FAAH2: variants seen among roughly 807,000 people sequenced by gnomAD.
FAAH2 encodes the protein fatty acid amide hydrolase 2.
Under a neutral mutation model 36.9 loss-of-function variants are expected in FAAH2, and 60 were observed. That is an observed-to-expected ratio of 1.63 (90% CI 1.32 to 2.02). The LOEUF is 2.02. Among genes scored for constraint, FAAH2 ranks in the 30% most tolerant of loss-of-function variants. The pLI is 0.00. For missense variants in FAAH2, 689 were observed against 397.5 expected (o/e 1.73, Z -6.23); for synonymous variants, 214 against 143.8 (o/e 1.49, Z -3.49).
intron 3 of FAAH2, among the ~76,000 whole-genome samples, chrX:57,326,728 T>G: frequency 1.2e-5 from 1 of 81,104 alleles, no homozygotes. Context: ...TGAGCCTATG[T>G]GTGTCTCTGC....
chrX:57,405,200 G>A (rs888283467), intron 7 of FAAH2, among the ~76,000 whole-genome samples: 2 of 111,534 alleles, frequency 1.8e-5, no homozygotes, highest in Non-Finnish European at 3.8e-5. Context: ...GTCACCAAAT[G>A]TTACCGGGGG....
chrX:57,247,321 A>T, the FAAH2 span, among the ~76,000 whole-genome samples: 2 of 112,094 alleles, frequency 1.8e-5, no homozygotes, highest in African/African-American at 3.2e-5. Flanking sequence ...TGACAGAAAA[A>T]CAGAATGATC....
chrX:57,302,882 G>T (rs983657361), intron 2 of FAAH2, among the ~76,000 whole-genome samples: 2 of 111,205 alleles, frequency 1.8e-5, no homozygotes, highest in African/African-American at 6.5e-5. Context: ...TTTTGGCTGA[G>T]GTTCCTTGTT....
the FAAH2 span, among the ~76,000 whole-genome samples, chrX:57,161,649 G>T: frequency 4.5e-5 from 5 of 111,263 alleles, no homozygotes; most frequent in African/African-American, 1.3e-4. Context: ...TTTGTTGGTT[G>T]AAAGTCTGTC....
At chrX:57,161,851 T>C in the FAAH2 span, among the ~76,000 whole-genome samples, 3 of 111,736 alleles carry the variant, frequency 2.7e-5, no homozygotes, top group East Asian at 2.8e-4. Flanking sequence ...GAGCATTTAG[T>C]CCATTTACAT....
chrX:57,446,786 T>A (rs983871054), intron 8 of FAAH2, 142 bp from the exon 9 acceptor site: 29 of 420,647 alleles, frequency 6.9e-5, no homozygotes, highest in Non-Finnish European at 1.0e-4. Context: ...ATTTTATCAA[T>A]AAATTTTATT....
the FAAH2 span, chrX:57,137,289 GC>G: frequency 7.9e-6 from 6 of 758,953 alleles, no homozygotes; most frequent in African/African-American, 9.2e-5. Flanking sequence ...TGAGCCTGTG[GC>G]GAAGGAGGGT....
At chrX:57,147,993 A>G in the FAAH2 span, among the ~76,000 whole-genome samples, 1 of 111,761 alleles carries the variant, frequency 8.9e-6, no homozygotes, top group Admixed American at 9.5e-5. Context: ...CCTATTACAT[A>G]GAATTTTCCA....
upstream of FAAH2, among the ~76,000 whole-genome samples, chrX:57,284,782 T>C (rs957268066): frequency 8.9e-6 from 1 of 111,792 alleles, no homozygotes; most frequent in African/African-American, 3.3e-5. Flanking sequence ...TTTACATCCA[T>C]ATGTGATTTA....
At chrX:57,348,018 G>A (rs2053876579) in intron 5 of FAAH2, among the ~76,000 whole-genome samples, 1 of 110,830 alleles carries the variant, frequency 9.0e-6, no homozygotes, top group African/African-American at 3.3e-5. Context: ...TCTAGGCCTT[G>A]GTGGAACATC....
chrX:57,280,650 CAAA>C, the FAAH2 span, among the ~76,000 whole-genome samples: 4 of 86,014 alleles, frequency 4.7e-5, no homozygotes, highest in African/African-American at 1.6e-4. Context: ...TTGGAAGCTT[CAAA>C]AAAAAAAAAA....
chrX:57,271,145 G>A, the FAAH2 span, among the ~76,000 whole-genome samples: 1 of 112,388 alleles, frequency 8.9e-6, no homozygotes, highest in Non-Finnish European at 1.9e-5. Flanking sequence ...AAGCTTGGTG[G>A]AGGGAGGGGC....
At chrX:57,443,988 G>A (rs1038039823) in intron 8 of FAAH2, among the ~76,000 whole-genome samples, 2 of 111,711 alleles carry the variant, frequency 1.8e-5, no homozygotes, top group Non-Finnish European at 3.8e-5. Context: ...CATCTCAGGG[G>A]CATCCAGCTC....
chrX:57,231,039 G>GTGTGTGTGTGTA, the FAAH2 span, among the ~76,000 whole-genome samples: 114 of 105,455 alleles, frequency 1.1e-3, no homozygotes, highest in African/African-American at 2.4e-3. Context: ...AAGGAAGTGT[G>GTGTGTGTGTGTA]TGTGTGTGTG....
At chrX:57,265,114 A>C in the FAAH2 span, among the ~76,000 whole-genome samples, 16 of 111,403 alleles carry the variant, frequency 1.4e-4, no homozygotes, top group Admixed American at 1.5e-3. Context: ...ACTTTGGGTC[A>C]GGTGGTCCCC....
intron 10 of FAAH2, among the ~76,000 whole-genome samples, chrX:57,457,298 C>A (rs2056878851): frequency 9.0e-6 from 1 of 110,995 alleles, no homozygotes; most frequent in Non-Finnish European, 1.9e-5. Context: ...AGTAGCATAC[C>A]TAAAAATAGT....
chrX:57,164,069 A>G, the FAAH2 span, among the ~76,000 whole-genome samples: 1 of 112,284 alleles, frequency 8.9e-6, no homozygotes, highest in Non-Finnish European at 1.9e-5. Flanking sequence ...TTTAAGGCTA[A>G]ATAAGGCCAG....
intron 3 of FAAH2, among the ~76,000 whole-genome samples, chrX:57,321,330 C>T (rs747406540): frequency 4.7e-4 from 51 of 108,678 alleles, no homozygotes; most frequent in African/African-American, 1.7e-3. Context: ...ATTGGGGGTT[C>T]GGGATCTAGG....
chrX:57,392,743 G>C, intron 7 of FAAH2: 1 of 613,313 alleles, frequency 1.6e-6, no homozygotes, highest in Non-Finnish European at 2.8e-6. Flanking sequence ...CCTACTAAAG[G>C]GTACAGAAAA....
Sources: allele counts gnomAD v4.1 joint callset (sites outside exome capture counted in the v4.1 genomes callset), GRCh38; gene constraint gnomAD v4.1.1; transcripts MANE v1.5; gene names NCBI Gene and HGNC (gene_info 2026-07-23, HGNC 2026-07-21).